COMT: variants seen among roughly 807,000 people sequenced by gnomAD.
COMT encodes the protein catechol O-methyltransferase.
A neutral mutation model predicts 18.9 loss-of-function variants in COMT; 13 were observed. The ratio of observed to expected loss-of-function variants is 0.69; its 90% CI spans 0.45 to 1.09. COMT has a LOEUF of 1.09. COMT is among the 50% of genes least tolerant of loss of function. The pLI is 0.00. For missense variants in COMT, 329 were observed against 361.8 expected, an observed-to-expected ratio of 0.91 and a Z score of 0.73; for synonymous variants, 150 against 160.9, an observed-to-expected ratio of 0.93 and a Z score of 0.51.
chr22:19,962,924 C>G, intron 3 of COMT, 109 bp downstream of exon 3: 1 of 1,392,218 alleles, frequency 7.2e-7, no homozygotes, highest in Non-Finnish European at 9.7e-7. Flanking sequence ...GGGCTGGGAA[C>G]CCTGGGATAT....
In COMT at chr22:19,949,732, A is replaced by C. The variant is rs184656757; in HGVS notation, c.-92+7835A>C. Among the ~76,000 whole-genome samples the C allele has an allele frequency of 3.2e-3, 487 of 152,186 alleles. 4 individuals carry two copies. The highest frequency in any genetic ancestry group is 3.5e-3 in the Non-Finnish European group (238 of 68,012). Reference sequence around the variant, plus strand: ...CCAACCTCAGCCCCCTAAAGCACTGAGATTACAGGCATGAGTCACCACGCC... The same window carrying C: ...CCAACCTCAGCCCCCTAAAGCACTGCGATTACAGGCATGAGTCACCACGCC... On this transcript the variant is annotated intron_variant, in intron 1 of 5. Coordinates refer to ENST00000361682, the MANE Select transcript of COMT (RefSeq NM_000754.4).
chr22:19,968,859 A>C lies in COMT; in HGVS notation c.*123A>C. 1.1e-6 allele frequency: 1 copy of C among 891,456 alleles called. No homozygotes were observed. Among genetic ancestry groups the C allele is most frequent in the Non-Finnish European group, 1.8e-6 (1 of 563,186 alleles). The allele number at this position is 891,456 out of a possible 1,614,324, so 55.2% of individuals were successfully genotyped here. On this transcript the variant is annotated 3_prime_UTR_variant, in exon 6 of 6. Coordinates refer to ENST00000361682, the MANE Select transcript of COMT (RefSeq NM_000754.4). ...CTAAATGCAAAGCACACCTCGGCCG[A>C]GGCCTGCGCCCTGACATGCTAACCT...
chr22:19,962,504 G>A lies in COMT; in HGVS notation c.1-23G>A, dbSNP rs749158838. Reference sequence around the variant, plus strand: ...TGCAGGAGGAGCACAGAGCACTGGCGCCCCTCCCCTCCCGCCCTGCAGATG... The same window carrying A: ...TGCAGGAGGAGCACAGAGCACTGGCACCCCTCCCCTCCCGCCCTGCAGATG... On this transcript the variant is annotated intron_variant, in intron 2 of 5. Transcript: ENST00000361682. The A allele has an allele frequency of 9.4e-5, 145 of 1,542,612 alleles. No homozygotes were observed. The Middle Eastern group carries it at 1.1e-3, about 12-fold the overall frequency.
chr22:19,948,954 CAA>C lies in COMT; in HGVS notation c.-92+7081_-92+7082del, dbSNP rs71186636. Among the ~76,000 whole-genome samples the C allele has an allele frequency of 4.9e-3, 425 of 86,820 alleles. 2 individuals carry two copies. The highest frequency in any genetic ancestry group is 0.017 in the African/African-American group (394 of 23,666). 57.0% of individuals were successfully genotyped at this position (86,820 alleles called of 152,430 possible). ...TGGGTAACAGAGCGAGACTCTGTCT[CAA>C]AAAAAAAAAAAAAAAAAAAAAAATT... On this transcript the variant is annotated intron_variant, in intron 1 of 5. Transcript: ENST00000361682.
Position 19,968,774 on chromosome 22 carries a change from G to T in COMT, c.*38G>T, listed in dbSNP as rs1381911298. 4 of 1,585,392 alleles carry T rather than the reference G, an allele frequency of 2.5e-6. No homozygotes were observed. In the South Asian group the frequency reaches 4.5e-5, roughly 18 times the overall value. On this transcript the variant is annotated 3_prime_UTR_variant, in exon 6 of 6. Transcript: ENST00000361682. ...CCCCCCTCTCGGGCTCTCTCACCCA[G>T]CCTGGTACTGAAGGTGCCAGACGTG...
Position 19,968,568 on chromosome 22 carries a change from A to G in COMT, c.648A>G (p.Leu216=), listed in dbSNP as rs1287684661. ...ECGLLRKGTV[L]LADNVICPGA... is the part of the protein sequence containing the mutation. ...GCCTGCTGCGGAAGGGGACAGTGCT[A>G]CTGGCTGACAACGTGATCTGCCCAG... Residue 216 remains leucine, a synonymous_variant, in exon 6 of 6, where the codon CTA becomes CTG. Transcript: ENST00000361682. The G allele has an allele frequency of 2.5e-6, 4 of 1,613,764 alleles. No homozygotes were observed. In the African/African-American group the frequency reaches 4.0e-5, roughly 16 times the overall value.
chr22:19,955,086 C>T (rs972821360), intron 1 of COMT, among the ~76,000 whole-genome samples: 5 of 152,200 alleles, frequency 3.3e-5, no homozygotes, highest in African/African-American at 9.7e-5. Context: ...CTCACTCCAG[C>T]CTCCAACTCC....
At position 19,963,096 on chromosome 22, in the gene COMT, G is replaced by A. The variant is rs550403035; in HGVS notation, c.289+281G>A. Among the ~76,000 whole-genome samples the A allele has an allele frequency of 3.3e-5, 5 of 152,276 alleles. No individual in the cohort carries two copies. The East Asian group carries it at 9.6e-4, about 29-fold the overall frequency. On this transcript the variant is annotated intron_variant, in intron 3 of 5. Coordinates refer to ENST00000361682, the MANE Select transcript of COMT (RefSeq NM_000754.4). Reference sequence around the variant, plus strand: ...TTGAACTCTGTTCTGGCCACCATGGGACCTGCCTGGGGACCAGTCAGACAG... The same window carrying A: ...TTGAACTCTGTTCTGGCCACCATGGAACCTGCCTGGGGACCAGTCAGACAG...
At chr22:19,942,316 C>G (rs1033494321) in intron 1 of COMT, among the ~76,000 whole-genome samples, 1 of 152,082 alleles carries the variant, frequency 6.6e-6, no homozygotes, top group Non-Finnish European at 1.5e-5. Flanking sequence ...GGATCAGACT[C>G]TCAGAGCTGG....
chr22:19,952,525 A>C (rs533280808), intron 1 of COMT, among the ~76,000 whole-genome samples: 69 of 151,712 alleles, frequency 4.5e-4, no homozygotes, highest in African/African-American at 1.6e-3. Flanking sequence ...CTGTAGTCCC[A>C]GCTACTGGGA....
rs186490805 is a variant in COMT at position 19,950,448 on chromosome 22, A to G, written c.-92+8551A>G. ...GGACAAGTTAAGGGTCACTTGCTCC[A>G]TGTGAGGGGAAGGCTTTCTACCTGT... On this transcript the variant is annotated intron_variant, in intron 1 of 5. Transcript: ENST00000361682. Among the ~76,000 whole-genome samples the G allele has an allele frequency of 6.6e-3, 1,001 of 152,068 alleles. 5 individuals are homozygous for G. The highest frequency in any genetic ancestry group is 0.014 in the Middle Eastern group (4 of 294).
intron 1 of COMT, among the ~76,000 whole-genome samples, chr22:19,952,458 T>C (rs1361142950): frequency 2.6e-5 from 4 of 151,632 alleles, no homozygotes; most frequent in Admixed American, 1.3e-4. Flanking sequence ...GCTAACATGG[T>C]GAAACCCCGT....
Position 19,962,699 on chromosome 22 carries a change from G to A in COMT, c.173G>A (p.Arg58His), listed in dbSNP as rs766469681. The A allele has an allele frequency of 1.4e-5, 22 of 1,613,468 alleles. No individual in the cohort carries two copies. The African/African-American group carries it at 2.3e-4, about 17-fold the overall frequency. ...NLLMGDTKEQ[R>H]ILNHVLQHAE... ...CTCATGGGTGACACCAAGGAGCAGC[G>A]CATCCTGAACCACGTGCTGCAGCAT... The change falls in exon 3 of 6, where the codon CGC becomes CAC. Residue 58 changes from arginine to histidine, a missense_variant. By Grantham distance (29) the Arg-to-His change is conservative (BLOSUM62 0). Transcript: ENST00000361682.
Position 19,968,615 on chromosome 22 carries a change from A to G in COMT, c.695A>G (p.His232Arg), listed in dbSNP as rs770652365. The G allele has an allele frequency of 6.2e-7, 1 of 1,614,044 alleles. No homozygotes were observed. Among genetic ancestry groups the G allele is most frequent in the African/African-American group, 1.3e-5 (1 of 75,018 alleles). Residue 232 changes from histidine (H) to arginine (R), a missense_variant, in exon 6 of 6, where the codon CAC becomes CGC. Coordinates refer to ENST00000361682, the MANE Select transcript of COMT (RefSeq NM_000754.4). ...ICPGAPDFLA[H>R]VRGSSCFECT... ...CCAGGTGCGCCAGACTTCCTAGCAC[A>G]CGTGCGCGGGAGCAGCTGCTTTGAG...
At chr22:19,965,620 G>T (rs1012750663) in intron 5 of COMT, 1 of 152,316 alleles carries the variant, frequency 6.6e-6, no homozygotes, top group East Asian at 1.9e-4. Context: ...GATTACAGGC[G>T]TGAGCCACTG....
At chr22:19,961,455 G>A (rs1027197500) in intron 2 of COMT, among the ~76,000 whole-genome samples, 166 bp downstream of exon 2, 3 of 152,192 alleles carry the variant, frequency 2.0e-5, no homozygotes, top group African/African-American at 2.4e-5. Flanking sequence ...CCCCTAGGGC[G>A]GAGCCTCTGC....
In COMT at chr22:19,964,254, C is replaced by A. The variant is rs1420164899; in HGVS notation, c.570C>A (p.Leu190=). ...TGGACACACTGGACATGGTCTTCCT[C>A]GACCACTGGAAGGACCGGTACCTGC... is the stretch of plus-strand genomic sequence containing the variant. The part of the protein sequence containing the change: ...YDVDTLDMVF[L]DHWKDRYLPD... The change falls in exon 5 of 6, where the codon CTC becomes CTA. Residue 190 remains leucine (L), a synonymous_variant. Coordinates refer to ENST00000361682, the MANE Select transcript of COMT (RefSeq NM_000754.4). 2 of 1,613,950 alleles carry A rather than the reference C, an allele frequency of 1.2e-6. No individual in the cohort carries two copies. Among genetic ancestry groups the A allele is most frequent in the Non-Finnish European group, 1.7e-6 (2 of 1,180,020 alleles).
At chr22:19,967,273 C>CCT in intron 5 of COMT, 1 of 1,221,138 alleles carries the variant, frequency 8.2e-7, no homozygotes, top group African/African-American at 1.6e-5. Flanking sequence ...AGCCCAGGCC[C>CCT]CTCACTCATG....
chr22:19,942,423 A>G (rs1383374729), intron 1 of COMT, among the ~76,000 whole-genome samples: 1 of 151,892 alleles, frequency 6.6e-6, no homozygotes, highest in African/African-American at 2.4e-5. Flanking sequence ...GCCTTGGGGT[A>G]CCCCAGGGCC....
Sources: allele counts gnomAD v4.1 joint callset (sites outside exome capture counted in the v4.1 genomes callset), GRCh38; gene constraint gnomAD v4.1.1; transcripts MANE v1.5; gene names NCBI Gene and HGNC (gene_info 2026-07-23, HGNC 2026-07-21).